GRM5: variants seen among roughly 807,000 people sequenced by gnomAD.
The protein encoded by GRM5 is glutamate metabotropic receptor 5, also known as metabotropic glutamate receptor 5.
A neutral mutation model predicts 83.1 loss-of-function variants in GRM5; 19 were observed. That is an observed-to-expected ratio of 0.23 (90% confidence interval 0.16 to 0.34). The LOEUF is 0.34. Among genes scored for constraint, GRM5 ranks in the 10% least tolerant of loss-of-function variants. The pLI, the probability that GRM5 is intolerant of heterozygous loss-of-function variation, is 1.00. For synonymous variants in GRM5, 675 were observed against 633.6 expected, an observed-to-expected ratio of 1.07 and a Z score of -0.98; for missense variants, 1,160 against 1,588.3, an observed-to-expected ratio of 0.73 and a Z score of 4.58.
intron 4 of GRM5, among the ~76,000 whole-genome samples, chr11:88,627,782 C>T (rs1010768689): frequency 2.6e-5 from 4 of 152,082 alleles, no homozygotes; most frequent in African/African-American, 7.2e-5. Flanking sequence ...CCTCAAATTC[C>T]CAGCAGCTTA....
At chr11:88,954,631 C>G (rs991049887) in intron 2 of GRM5, among the ~76,000 whole-genome samples, 4 of 152,136 alleles carry the variant, frequency 2.6e-5, no homozygotes, top group Non-Finnish European at 4.4e-5. Context: ...GCTGGTGCAA[C>G]AGAGAAACTG....
At chr11:88,517,547 G>T (rs529250722) in intron 9 of GRM5, among the ~76,000 whole-genome samples, 3 of 152,152 alleles carry the variant, frequency 2.0e-5, no homozygotes, top group Non-Finnish European at 4.4e-5. Context: ...ACTCAGCTTT[G>T]CTGAGTAACT....
intron 3 of GRM5, among the ~76,000 whole-genome samples, chr11:88,831,869 G>A (rs187055241): frequency 6.6e-6 from 1 of 152,280 alleles, no homozygotes; most frequent in Admixed American, 6.5e-5. Context: ...GCCACTACCA[G>A]CACCTGAGCA....
At chr11:88,819,000 T>C (rs1943739803) in intron 3 of GRM5, among the ~76,000 whole-genome samples, 1 of 152,230 alleles carries the variant, frequency 6.6e-6, no homozygotes, top group Non-Finnish European at 1.5e-5. Flanking sequence ...ATTTTTTTCC[T>C]TCCAATTCTT....
chr11:88,663,010 G>T (rs762900938), intron 3 of GRM5, among the ~76,000 whole-genome samples: 1 of 152,110 alleles, frequency 6.6e-6, no homozygotes, highest in Non-Finnish European at 1.5e-5. Context: ...AATAATACAC[G>T]CATTTTTCTT....
intron 2 of GRM5, among the ~76,000 whole-genome samples, chr11:88,883,057 C>T (rs1407139481): frequency 6.6e-6 from 1 of 152,154 alleles, no homozygotes; most frequent in Admixed American, 6.5e-5. Flanking sequence ...TCCATTAAAC[C>T]TCTTTCCTTT....
chr11:89,057,605 C>T (rs1416551706), intron 1 of GRM5, among the ~76,000 whole-genome samples: 1 of 152,146 alleles, frequency 6.6e-6, no homozygotes, highest in African/African-American at 2.4e-5. Context: ...CAGCCTTCTG[C>T]AGCAAAGCAA....
intron 3 of GRM5, among the ~76,000 whole-genome samples, chr11:88,820,421 A>G (rs1210413068): frequency 6.6e-6 from 1 of 150,742 alleles, no homozygotes; most frequent in Non-Finnish European, 1.5e-5. Flanking sequence ...TATCAGTAAT[A>G]TTATTTTTCC....
chr11:88,764,644 T>C (rs1266109898), intron 3 of GRM5, among the ~76,000 whole-genome samples: 1 of 151,392 alleles, frequency 6.6e-6, no homozygotes, highest in Non-Finnish European at 1.5e-5. Flanking sequence ...AATTGGAAAA[T>C]ACTTAAAGAT....
In GRM5 at chr11:89,047,965, G is replaced by T. The variant is rs200943091; in HGVS notation, c.-93C>A. The stretch of plus-strand genomic sequence containing the variant: ...ACGAACAAGCGATGTCCTACGTTGA[G>T]TCGCAAATCAAGAAATTAGCCAGCA... On this transcript the variant is annotated 5_prime_UTR_variant, in exon 2 of 10. Transcript: ENST00000305447. This position sits in a 1 kb window ranked among gnomAD's most constrained non-coding sequence, Gnocchi z 5.1. The T allele has an allele frequency of 9.1e-5, 81 of 890,100 alleles. No individual in the cohort carries two copies. The Middle Eastern group carries it at 1.8e-3, about 20-fold the overall frequency. 55.1% of individuals were successfully genotyped at this position (890,100 alleles called of 1,614,324 possible).
At chr11:88,815,941 C>T (rs1401427994) in intron 3 of GRM5, among the ~76,000 whole-genome samples, 2 of 148,620 alleles carry the variant, frequency 1.3e-5, no homozygotes, top group East Asian at 1.9e-4. Flanking sequence ...AGGCCGGGCG[C>T]GGTGGCTCAC....
intron 3 of GRM5, among the ~76,000 whole-genome samples, chr11:88,796,086 A>G (rs1229089151): frequency 6.6e-6 from 1 of 152,148 alleles, no homozygotes; most frequent in East Asian, 1.9e-4. Flanking sequence ...TGCTAGCATA[A>G]ACACTATTAC....
At chr11:88,960,516 G>T (rs1022569259) in intron 2 of GRM5, among the ~76,000 whole-genome samples, 4 of 152,190 alleles carry the variant, frequency 2.6e-5, no homozygotes, top group Non-Finnish European at 5.9e-5. Context: ...TTGAGTGAGT[G>T]CTGGTTAATG....
intron 3 of GRM5, among the ~76,000 whole-genome samples, chr11:88,720,975 A>G (rs1337945547): frequency 6.6e-6 from 1 of 152,044 alleles, no homozygotes; most frequent in African/African-American, 2.4e-5. Flanking sequence ...TTAATGTGGG[A>G]TAGCCATCAC....
At chr11:88,772,592 C>T (rs566121504) in intron 3 of GRM5, among the ~76,000 whole-genome samples, 3 of 152,074 alleles carry the variant, frequency 2.0e-5, no homozygotes, top group Non-Finnish European at 4.4e-5. Context: ...AATGCTATTT[C>T]TCCCCCAGCC....
intron 2 of GRM5, among the ~76,000 whole-genome samples, chr11:88,884,828 C>A (rs1416173532): frequency 6.6e-6 from 1 of 152,162 alleles, no homozygotes; most frequent in Non-Finnish European, 1.5e-5. Context: ...GACTTTGCTC[C>A]TCCTCTGCTT....
intron 8 of GRM5, among the ~76,000 whole-genome samples, chr11:88,545,210 C>G (rs1440126067): frequency 1.3e-5 from 2 of 152,210 alleles, no homozygotes; most frequent in African/African-American, 2.4e-5. Flanking sequence ...CTTTATTTAT[C>G]TAGTCTCTGG....
At chr11:88,650,272 C>G (rs929169024) in intron 4 of GRM5, among the ~76,000 whole-genome samples, 4 of 151,614 alleles carry the variant, frequency 2.6e-5, no homozygotes, top group Non-Finnish European at 5.9e-5. Flanking sequence ...ATAAAAAAGC[C>G]AAACTTCTGT....
intron 3 of GRM5, among the ~76,000 whole-genome samples, chr11:88,705,069 T>G (rs530324292): frequency 6.6e-6 from 1 of 152,258 alleles, no homozygotes; most frequent in Non-Finnish European, 1.5e-5. Context: ...GTTACAAGTG[T>G]GTAAGAAACT....
Sources: gnomAD v4.1 joint callset for allele counts (sites outside exome capture counted in the v4.1 genomes callset) on GRCh38, gnomAD v4.1.1 for gene constraint, Gnocchi (gnomAD v3.1) non-coding constraint, MANE v1.5 for transcripts, NCBI Gene and HGNC (gene_info 2026-07-23, HGNC 2026-07-21) for gene names.